Variants in FAAH2 observed in about 807,000 individuals in gnomAD.
FAAH2 encodes the protein fatty acid amide hydrolase 2.
A neutral mutation model predicts 36.9 loss-of-function variants in FAAH2; 60 were observed. The observed-to-expected ratio is 1.63, with a 90% CI of 1.32 to 2.02. FAAH2 has a LOEUF of 2.02. Among genes scored for constraint, FAAH2 ranks in the 30% most tolerant of loss-of-function variants. The probability of loss-of-function intolerance (pLI) is 0.00; values close to 1 mark genes in which losing one functional copy is unlikely to be tolerated. For synonymous variants in FAAH2, 214 were observed against 143.8 expected, an observed-to-expected ratio of 1.49 and a Z score of -3.49; for missense variants, 689 against 397.5, an observed-to-expected ratio of 1.73 and a Z score of -6.23.
intron 7 of FAAH2, among the ~76,000 whole-genome samples, chrX:57,409,276 T>G (rs1315226920): frequency 1.8e-5 from 2 of 111,861 alleles, no homozygotes. Context: ...TTTTGTATTA[T>G]CCTTTTAACA....
At chrX:57,136,927 A>G in the FAAH2 span, 1 of 762,201 alleles carries the variant, frequency 1.3e-6, no homozygotes, top group Non-Finnish European at 1.8e-6. Flanking sequence ...TCCCCTGCAA[A>G]GCGGCCTTGA....
At chrX:57,173,321 A>G in the FAAH2 span, among the ~76,000 whole-genome samples, 1 of 111,625 alleles carries the variant, frequency 9.0e-6, no homozygotes, top group Non-Finnish European at 1.9e-5. Flanking sequence ...ACTCCTGGGT[A>G]TTTTATTTTT....
At chrX:57,151,560 G>T in the FAAH2 span, among the ~76,000 whole-genome samples, 1 of 111,721 alleles carries the variant, frequency 9.0e-6, no homozygotes, top group East Asian at 2.8e-4. Flanking sequence ...ATCGGCTCCT[G>T]AGTCTTCTGC....
At chrX:57,372,922 T>C (rs1290230233) in intron 5 of FAAH2, among the ~76,000 whole-genome samples, 2 of 110,537 alleles carry the variant, frequency 1.8e-5, no homozygotes, top group African/African-American at 6.6e-5. Flanking sequence ...ATCATTCTTA[T>C]GCCTTTACAT....
At chrX:57,265,142 G>A in the FAAH2 span, among the ~76,000 whole-genome samples, 8 of 111,428 alleles carry the variant, frequency 7.2e-5, no homozygotes, top group East Asian at 2.8e-4. Context: ...CCCACTCCAC[G>A]TGGGCCTTCA....
Position 57,380,946 on chromosome X carries a change from T to C in FAAH2, c.913T>C (p.Leu305=). 8.3e-7 allele frequency: 1 copy of C among 1,201,078 alleles called. No homozygotes were observed. The highest frequency in any genetic ancestry group is 3.0e-5 in the East Asian group (1 of 33,507). ...AGACACAAAGGTACATTTAAAAGAC[T>C]TAAAATTTTACTGGATGGAACATGA... ...KLDTKVHLKD[L]KFYWMEHDGG... The change falls in exon 7 of 11, where the codon TTA becomes CTA. Residue 305 remains leucine, a synonymous_variant. Transcript: ENST00000374900.
chrX:57,374,064 G>T (rs749026151), intron 5 of FAAH2, among the ~76,000 whole-genome samples: 1 of 111,612 alleles, frequency 9.0e-6, no homozygotes, highest in Non-Finnish European at 1.9e-5. Context: ...ATTCTGTTCC[G>T]TTGGTATATG....
intron 5 of FAAH2, among the ~76,000 whole-genome samples, chrX:57,370,642 A>G (rs891092448): frequency 8.9e-6 from 1 of 112,287 alleles, no homozygotes; most frequent in Non-Finnish European, 1.9e-5. Context: ...ATGGACCAGT[A>G]CCAGTCCATC....
At chrX:57,431,812 A>C in intron 7 of FAAH2, 106 bp from the exon 8 acceptor site, 1 of 248,868 alleles carries the variant, frequency 4.0e-6, no homozygotes. Flanking sequence ...TCCATGGGGC[A>C]ATGAGGGCCT....
the FAAH2 span, among the ~76,000 whole-genome samples, chrX:57,218,649 T>C: frequency 9.0e-6 from 1 of 111,351 alleles, no homozygotes; most frequent in Admixed American, 9.5e-5. Context: ...AGGATAGTGG[T>C]CTGTAGTTTT....
chrX:57,486,784 G>A (rs755806235), intron 10 of FAAH2, among the ~76,000 whole-genome samples: 1 of 111,715 alleles, frequency 9.0e-6, no homozygotes, highest in Non-Finnish European at 1.9e-5. Context: ...AGGGTGATGC[G>A]AAATGAAACC....
At chrX:57,418,605 G>A (rs1262964613) in intron 7 of FAAH2, among the ~76,000 whole-genome samples, 1 of 110,941 alleles carries the variant, frequency 9.0e-6, no homozygotes, top group Non-Finnish European at 1.9e-5. Flanking sequence ...TACCTCGGTT[G>A]GAAATGCAGA....
chrX:57,157,097 T>C, the FAAH2 span, among the ~76,000 whole-genome samples: 1 of 111,940 alleles, frequency 8.9e-6, no homozygotes, highest in Non-Finnish European at 1.9e-5. Context: ...TTTATTTTAC[T>C]GTGGCTGAGC....
the FAAH2 span, among the ~76,000 whole-genome samples, chrX:57,205,023 G>T: frequency 3.6e-5 from 4 of 112,451 alleles, no homozygotes; most frequent in African/African-American, 6.5e-5. Context: ...TTTAACACAG[G>T]CAGGAGACTC....
chrX:57,230,110 T>C, the FAAH2 span, among the ~76,000 whole-genome samples: 1 of 112,027 alleles, frequency 8.9e-6, no homozygotes, highest in Admixed American at 9.4e-5. Context: ...TGTGAATTCA[T>C]GGAGACTCCT....
chrX:57,375,660 G>T (rs1174272797), intron 5 of FAAH2, among the ~76,000 whole-genome samples: 3 of 110,613 alleles, frequency 2.7e-5, no homozygotes, highest in African/African-American at 9.8e-5. Flanking sequence ...ACAATGGTTT[G>T]GAAGAATTAT....
At chrX:57,350,140 G>T (rs2147094897) in intron 5 of FAAH2, among the ~76,000 whole-genome samples, 1 of 111,219 alleles carries the variant, frequency 9.0e-6, no homozygotes, top group South Asian at 3.8e-4. Flanking sequence ...TGCTGACGGT[G>T]AATACTATAT....
the FAAH2 span, among the ~76,000 whole-genome samples, chrX:57,267,448 G>A: frequency 8.9e-6 from 1 of 112,522 alleles, no homozygotes; most frequent in Non-Finnish European, 1.9e-5. Context: ...AAGCACCCAG[G>A]CCTGCACTGG....
chrX:57,418,264 G>A (rs1028999669), intron 7 of FAAH2, among the ~76,000 whole-genome samples: 6 of 111,034 alleles, frequency 5.4e-5, no homozygotes, highest in African/African-American at 1.3e-4. Flanking sequence ...TGTTCCAGGC[G>A]CCACCGGGCT....
Sources: allele counts gnomAD v4.1 joint callset (sites outside exome capture counted in the v4.1 genomes callset), GRCh38; gene constraint gnomAD v4.1.1; transcripts MANE v1.5; gene names NCBI Gene and HGNC (gene_info 2026-07-23, HGNC 2026-07-21).